The following CTNND2 variants were observed in gnomAD, a reference collection of about 807,000 sequenced individuals.
CTNND2 encodes catenin delta 2.
A neutral mutation model predicts 144.4 loss-of-function variants in CTNND2; 22 were observed. The observed-to-expected ratio is 0.15, with a 90% CI of 0.11 to 0.22. CTNND2 has a LOEUF of 0.22. Ranked by LOEUF, CTNND2 falls within the 10% of genes least tolerant of loss-of-function variation. The pLI is 1.00. For missense variants in CTNND2, 1,353 were observed against 1,618.8 expected (o/e 0.84, Z 2.82); for synonymous variants, 751 against 695.6 (o/e 1.08, Z -1.25).
chr5:11,234,098 G>C (rs1324263568), intron 10 of CTNND2, among the ~76,000 whole-genome samples: 1 of 152,138 alleles, frequency 6.6e-6, no homozygotes, highest in Non-Finnish European at 1.5e-5. Flanking sequence ...ACAGTGAGAA[G>C]TGATACAGGC....
At chr5:11,631,107 G>A (rs186918940) in intron 2 of CTNND2, among the ~76,000 whole-genome samples, 9 of 152,148 alleles carry the variant, frequency 5.9e-5, no homozygotes, top group Middle Eastern at 3.4e-3. Context: ...TTCCTTAGTG[G>A]GGGAAAAGAA....
chr5:11,467,050 T>C (rs1276247522), intron 3 of CTNND2, among the ~76,000 whole-genome samples: 1 of 152,218 alleles, frequency 6.6e-6, no homozygotes, highest in Admixed American at 6.5e-5. Context: ...AAGGTGGTAT[T>C]GCTCACAAGG....
chr5:11,565,149 T>C (rs921505508), intron 2 of CTNND2, 93 bp from the exon 3 acceptor site: 6 of 835,772 alleles, frequency 7.2e-6, no homozygotes. Flanking sequence ...GAGAAAAATA[T>C]GATTTTCCAA....
intron 9 of CTNND2, among the ~76,000 whole-genome samples, chr5:11,296,175 T>G (rs996426606): frequency 5.3e-5 from 8 of 151,782 alleles, no homozygotes; most frequent in African/African-American, 1.7e-4. Flanking sequence ...GGTTGAAGGA[T>G]ATGAACAGAC....
rs953363190 is a variant in CTNND2, at chr5:11,814,618, T to C, written c.38-82346A>G. Reference sequence around the variant, plus strand: ...GAAAGCCAGACGCAGAGAGCCACCGTTGGTTAACGCTAAGCTACTTTCAAT... The same window carrying C: ...GAAAGCCAGACGCAGAGAGCCACCGCTGGTTAACGCTAAGCTACTTTCAAT... On this transcript the variant is annotated intron_variant, in intron 1 of 21. Coordinates refer to ENST00000304623, the MANE Select transcript of CTNND2 (RefSeq NM_001332.4). 1.2e-4 allele frequency among the ~76,000 whole-genome samples: 19 copies of C among 152,352 alleles called. No individual in the cohort carries two copies. In the Middle Eastern group the frequency reaches 0.01, roughly 82 times the overall value.
chr5:11,111,322 G>A (rs531622752), intron 13 of CTNND2, among the ~76,000 whole-genome samples: 2 of 152,196 alleles, frequency 1.3e-5, no homozygotes, highest in African/African-American at 4.8e-5. Flanking sequence ...TGTGAGAAGG[G>A]AAGAATGTAC....
At chr5:11,789,081 G>A (rs1791002929) in intron 1 of CTNND2, among the ~76,000 whole-genome samples, 1 of 152,178 alleles carries the variant, frequency 6.6e-6, no homozygotes, top group African/African-American at 2.4e-5. Flanking sequence ...AGGTGCTGGA[G>A]AGGATGTGGA....
Position 11,838,416 on chromosome 5 carries a change from C to T in CTNND2, c.37+65401G>A, listed in dbSNP as rs112203160. 4.1e-3 allele frequency among the ~76,000 whole-genome samples: 623 copies of T among 152,236 alleles called. 6 individuals carry two copies. The highest frequency in any genetic ancestry group is 0.013 in the African/African-American group (521 of 41,548). ...TTCCAGAGTAGTGGTTCTCAAACTT[C>T]GGGCAATCTGACAAAAATACAGAGG... On this transcript the variant is annotated intron_variant, in intron 1 of 21. Transcript: ENST00000304623.
At chr5:11,297,087 A>C (rs926479994) in intron 9 of CTNND2, among the ~76,000 whole-genome samples, 1 of 152,216 alleles carries the variant, frequency 6.6e-6, no homozygotes, top group Non-Finnish European at 1.5e-5. Flanking sequence ...CTGTGTCAAC[A>C]TTTAGAAGAT....
intron 2 of CTNND2, among the ~76,000 whole-genome samples, chr5:11,630,986 T>C (rs1209119211): frequency 6.6e-6 from 1 of 151,950 alleles, no homozygotes; most frequent in African/African-American, 2.4e-5. Context: ...CAATCATATC[T>C]TCTCCCAGTC....
chr5:11,289,742 C>T (rs139384554), intron 9 of CTNND2, among the ~76,000 whole-genome samples: 2 of 152,308 alleles, frequency 1.3e-5, no homozygotes, highest in East Asian at 3.9e-4. Flanking sequence ...ATCCTCTTTC[C>T]ACGGTTCCCA....
rs10068305 is a variant in CTNND2 at position 11,653,835 on chromosome 5, T to A, written c.174+78301A>T. 8.8e-3 allele frequency among the ~76,000 whole-genome samples: 1,344 copies of A among 152,120 alleles called. 15 individuals carry two copies. Among genetic ancestry groups the A allele is most frequent in the African/African-American group, 0.028 (1,144 of 41,544 alleles). On this transcript the variant is annotated intron_variant, in intron 2 of 21. Transcript: ENST00000304623. ...ACTGCCAAGATCAATGTTAAGGAGCTTTTTTGTTATGTGTTCTTCCAGAAT... is the reference window on the plus strand; with the variant it reads ...ACTGCCAAGATCAATGTTAAGGAGCATTTTTGTTATGTGTTCTTCCAGAAT...
intron 8 of CTNND2, among the ~76,000 whole-genome samples, chr5:11,363,419 TA>T (rs1279420418): frequency 6.6e-6 from 1 of 152,140 alleles, no homozygotes; most frequent in East Asian, 1.9e-4. Flanking sequence ...AAGATGTGCA[TA>T]AAAATAAAAT....
rs1216606252 is a variant in CTNND2 at position 11,904,240 on chromosome 5, C to G, written c.-387G>C. Among the ~76,000 whole-genome samples the G allele has an allele frequency of 6.9e-6, 1 of 145,148 alleles. No homozygotes were observed. The highest frequency in any genetic ancestry group is 2.1e-4 in the South Asian group (1 of 4,750). ...TGTCGCCGCGGGCGCGAGCCTGGGG[C>G]CGCCGCGGCGCCCGGCGCCGAGCGC... On this transcript the variant is annotated 5_prime_UTR_variant, in exon 1 of 22. Transcript: ENST00000304623. This position sits in a 1 kb window ranked among gnomAD's most constrained non-coding sequence, Gnocchi z 4.2.
chr5:11,033,838 GCAA>G (rs35130130), intron 16 of CTNND2, among the ~76,000 whole-genome samples: 40,129 of 151,620 alleles, frequency 0.26, 6,029 homozygotes, highest in Non-Finnish European at 0.35. Context: ...AACAACAACA[GCAA>G]CAACAACAAC....
chr5:11,348,721 A>G (rs1303624557), intron 8 of CTNND2, among the ~76,000 whole-genome samples: 1 of 151,994 alleles, frequency 6.6e-6, no homozygotes, highest in Admixed American at 6.6e-5. Flanking sequence ...CCACACAAAA[A>G]ACTCTCAAAG....
intron 10 of CTNND2, among the ~76,000 whole-genome samples, chr5:11,230,965 G>A (rs1740937160): frequency 6.6e-6 from 1 of 150,476 alleles, no homozygotes; most frequent in African/African-American, 2.4e-5. Context: ...GTTTGGTTCT[G>A]TGTCCCCACC....
intron 9 of CTNND2, among the ~76,000 whole-genome samples, chr5:11,313,067 C>T (rs1272133741): frequency 6.6e-6 from 1 of 152,200 alleles, no homozygotes; most frequent in Non-Finnish European, 1.5e-5. Context: ...TTGTTTTTCT[C>T]TCTAAACTCC....
chr5:11,574,271 G>A (rs1777801122), intron 2 of CTNND2, among the ~76,000 whole-genome samples: 1 of 152,106 alleles, frequency 6.6e-6, no homozygotes, highest in South Asian at 2.1e-4. Context: ...TCTGCTAAGT[G>A]CTTCACATGT....
Sources: allele counts gnomAD v4.1 joint callset (sites outside exome capture counted in the v4.1 genomes callset), GRCh38; gene constraint gnomAD v4.1.1; non-coding constraint Gnocchi (gnomAD v3.1); transcripts MANE v1.5; gene names NCBI Gene and HGNC (gene_info 2026-07-23, HGNC 2026-07-21).